OR14C36: variants seen among roughly 807,000 people sequenced by gnomAD.
The protein encoded by OR14C36 is olfactory receptor 14C36.
For synonymous variants in OR14C36, 142 were observed against 146.8 expected, an observed-to-expected ratio of 0.97 and a Z score of 0.24; for missense variants, 404 against 384.8, an observed-to-expected ratio of 1.05 and a Z score of -0.42.
chr1:248,349,088 T>C lies in OR14C36; in HGVS notation c.314T>C (p.Phe105Ser), dbSNP rs765760011. ...CVAQVFLVVF[F>S]VYVELLFLTI... ...GCTCAGGTCTTCCTCGTGGTTTTTTTTGTATATGTGGAGCTTCTGTTTCTC... is the reference window on the plus strand; with the variant it reads ...GCTCAGGTCTTCCTCGTGGTTTTTTCTGTATATGTGGAGCTTCTGTTTCTC... Residue 105 changes from phenylalanine (F) to serine (S), a missense_variant, in exon 1 of 1, where the codon TTT becomes TCT. Transcript: ENST00000317861. 1.1e-5 allele frequency: 18 copies of C among 1,613,784 alleles called. No individual in the cohort carries two copies. Among genetic ancestry groups the C allele is most frequent in the Non-Finnish European group, 1.3e-5 (15 of 1,179,988 alleles).
At position 248,348,818 on chromosome 1, in the gene OR14C36, T is replaced by C. The variant is rs1660458389; in HGVS notation, c.44T>C (p.Phe15Ser). Residue 15 changes from phenylalanine (F) to serine (S), a missense_variant, in exon 1 of 1, where the codon TTT becomes TCT. Phe to Ser is a radical substitution (Grantham distance 155, BLOSUM62 -2). Transcript: ENST00000317861. The stretch of plus-strand genomic sequence containing the variant: ...GTGATGGAATTTCTCCTCATGAGGT[T>C]TTCTGATGTGTGGACACTACAGATT... ...TTVMEFLLMR[F>S]SDVWTLQILH... 6.2e-7 allele frequency: 1 copy of C among 1,609,788 alleles called. No individual in the cohort carries two copies. The highest frequency in any genetic ancestry group is 1.7e-5 in the Admixed American group (1 of 59,552).
Position 248,349,294 on chromosome 1 carries a change from C to G in OR14C36, c.520C>G (p.Gln174Glu). 2 of 1,614,116 alleles carry G rather than the reference C, an allele frequency of 1.2e-6. No homozygotes were observed. The highest frequency in any genetic ancestry group is 1.7e-6 in the Non-Finnish European group (2 of 1,180,010). The change falls in exon 1 of 1, where the codon CAA becomes GAA. Residue 174 changes from glutamine (Q) to glutamate (E), a missense_variant. Gln to Glu is a conservative substitution (Grantham distance 29, BLOSUM62 2). Coordinates refer to ENST00000317861, the MANE Select transcript of OR14C36 (RefSeq NM_001001918.1). ...LPFCRSNVIH[Q>E]FFCDIPSLLK... ...CTTCTGTCGGTCCAACGTTATTCAT[C>G]AATTCTTCTGTGACATCCCCTCTCT...
rs1660462259 is a variant in OR14C36 at position 248,349,011 on chromosome 1, A to C, written c.237A>C (p.Ser79=). 1 of 1,613,324 alleles carries C rather than the reference A, an allele frequency of 6.2e-7. No individual in the cohort carries two copies. Among genetic ancestry groups the C allele is most frequent in the African/African-American group, 1.3e-5 (1 of 74,676 alleles). The change falls in exon 1 of 1, where the codon TCA becomes TCC. Residue 79 remains serine (S), a synonymous_variant. Transcript: ENST00000317861. ...ACATTTCTGTTACAGTCCCTACCTC[A>C]TGTGTCAATTCCCTACTGGACAGCA... ...ACYISVTVPT[S]CVNSLLDSTT...
In OR14C36 at chr1:248,349,516, G is replaced by C. The variant is rs765361900; in HGVS notation, c.742G>C (p.Val248Leu). 9.9e-6 allele frequency: 16 copies of C among 1,614,078 alleles called. 1 individual carries two copies. The Middle Eastern group carries it at 6.6e-4, about 67-fold the overall frequency. Residue 248 changes from valine to leucine, a missense_variant, in exon 1 of 1, where the codon GTC becomes CTC. Transcript: ENST00000317861. ...TCIPHILVVS[V>L]FLSSCSSVYL... is the part of the protein sequence containing the mutation. ...CATCCCTCACATCCTGGTGGTGTCA[G>C]TCTTCCTCAGTTCATGCTCTTCTGT...
At position 248,349,602 on chromosome 1, in the gene OR14C36, T is replaced by C; in HGVS notation, c.828T>C (p.Tyr276=). ...AGGATCTGATCCTTTCTGGTTTTTA[T>C]TCCATAATGCCTCCCCTCTTTAACC... The part of the protein sequence containing the change: ...ATQDLILSGF[Y]SIMPPLFNPI... The change falls in exon 1 of 1, where the codon TAT becomes TAC. Residue 276 remains tyrosine, a synonymous_variant. Coordinates refer to ENST00000317861, the MANE Select transcript of OR14C36 (RefSeq NM_001001918.1). 1 of 1,614,030 alleles carries C rather than the reference T, an allele frequency of 6.2e-7. No individual in the cohort carries two copies.
rs760870864 is a variant in OR14C36, at chr1:248,348,908, C to T, written c.134C>T (p.Thr45Ile). ...VTLMGNILIV[T>I]VTTCDSSLHM... The stretch of plus-strand genomic sequence containing the variant: ...CTAATGGGAAACATCCTCATTGTGA[C>T]CGTCACCACCTGTGACAGCAGCCTT... Residue 45 changes from threonine (T) to isoleucine (I), a missense_variant, in exon 1 of 1, where the codon ACC becomes ATC. By Grantham distance (89) the Thr-to-Ile change is moderately conservative. Coordinates refer to ENST00000317861, the MANE Select transcript of OR14C36 (RefSeq NM_001001918.1). 3 of 1,613,536 alleles carry T rather than the reference C, an allele frequency of 1.9e-6. No individual in the cohort carries two copies. Among genetic ancestry groups the T allele is most frequent in the Non-Finnish European group, 2.5e-6 (3 of 1,179,866 alleles).
rs895670394 is a variant in OR14C36, at chr1:248,349,416, G to A, written c.642G>A (p.Arg214=). 1 of 1,613,964 alleles carries A rather than the reference G, an allele frequency of 6.2e-7. No homozygotes were observed. Among genetic ancestry groups the A allele is most frequent in the Non-Finnish European group, 8.5e-7 (1 of 1,179,992 alleles). The change falls in exon 1 of 1, where the codon AGG becomes AGA. Residue 214 remains arginine (R), a synonymous_variant. Coordinates refer to ENST00000317861, the MANE Select transcript of OR14C36 (RefSeq NM_001001918.1). ...GCGGCTGTTTCATCTTTATCATCAG[G>A]TCTTACATTCACATCTTTTCGACCG... ...VGGGCFIFII[R]SYIHIFSTVL... is the part of the protein sequence containing the mutation.
At position 248,348,953 on chromosome 1, in the gene OR14C36, T is replaced by C. The variant is rs149258733; in HGVS notation, c.179T>C (p.Phe60Ser). The C allele has an allele frequency of 1.3e-4, 205 of 1,613,740 alleles. No homozygotes were observed. The highest frequency in any genetic ancestry group is 1.6e-4 in the Non-Finnish European group (193 of 1,179,952). Residue 60 changes from phenylalanine to serine, a missense_variant, in exon 1 of 1, where the codon TTC (phenylalanine) becomes TCC (serine). Transcript: ENST00000317861. ...AGCCTTCACATGCCCATGTACTTCT[T>C]CCTCAGGAATCTGTCTATCTTGGAT... ...DSSLHMPMYF[F>S]LRNLSILDAC... is the part of the protein sequence containing the mutation.
At position 248,349,623 on chromosome 1, in the gene OR14C36, T is replaced by G; in HGVS notation, c.849T>G (p.Phe283Leu). Reference sequence around the variant, plus strand: ...TTTATTCCATAATGCCTCCCCTCTTTAACCCTATTATTTACAGTCTTAGAA... The same window carrying G: ...TTTATTCCATAATGCCTCCCCTCTTGAACCCTATTATTTACAGTCTTAGAA... ...SGFYSIMPPL[F>L]NPIIYSLRNK... Residue 283 changes from phenylalanine (F) to leucine (L), a missense_variant, in exon 1 of 1, where the codon TTT (phenylalanine) becomes TTG (leucine). Phe to Leu is a conservative substitution (Grantham distance 22). Coordinates refer to ENST00000317861, the MANE Select transcript of OR14C36 (RefSeq NM_001001918.1). The G allele has an allele frequency of 1.2e-6, 2 of 1,613,752 alleles. No individual in the cohort carries two copies. Among genetic ancestry groups the G allele is most frequent in the Non-Finnish European group, 1.7e-6 (2 of 1,179,796 alleles).
At chr1:248,348,962 ATCTG>A in the OR14C36 span, 15 of 1,613,268 alleles carry the variant, frequency 9.3e-6, no homozygotes, top group East Asian at 4.5e-5. Context: ...TTCCTCAGGA[ATCTG>A]TCTATCTTGG....
In OR14C36 at chr1:248,349,204, C is replaced by T; in HGVS notation, c.430C>T (p.Leu144=). The T allele has an allele frequency of 6.2e-7, 1 of 1,613,990 alleles. No homozygotes were observed. The highest frequency in any genetic ancestry group is 1.1e-5 in the South Asian group (1 of 91,078). ...CTCTCGAATCTGCATCCAGATGACA[C>T]TGGCCTCCCTACTCAGTGGTCTTGT... ...VNSRICIQMT[L]ASLLSGLVYA... is the part of the protein sequence containing the mutation. Residue 144 remains leucine, a synonymous_variant, in exon 1 of 1, where the codon CTG becomes TTG. Coordinates refer to ENST00000317861, the MANE Select transcript of OR14C36 (RefSeq NM_001001918.1).
In OR14C36 at chr1:248,348,872, A is replaced by G. The variant is rs374342974; in HGVS notation, c.98A>G (p.Tyr33Cys). 5.5e-5 allele frequency: 89 copies of G among 1,613,534 alleles called. No individual in the cohort carries two copies. Among genetic ancestry groups the G allele is most frequent in the Non-Finnish European group, 6.6e-5 (78 of 1,179,834 alleles). ...CATTCTGCATCCTTCTTTATGTTGT[A>G]TTTGGTAACTCTAATGGGAAACATC... ...ILHSASFFML[Y>C]LVTLMGNILI... is the part of the protein sequence containing the mutation. Residue 33 changes from tyrosine (Y) to cysteine (C), a missense_variant, in exon 1 of 1, where the codon TAT (tyrosine) becomes TGT (cysteine). Coordinates refer to ENST00000317861, the MANE Select transcript of OR14C36 (RefSeq NM_001001918.1).
chr1:248,348,949 T>G lies in OR14C36; in HGVS notation c.175T>G (p.Phe59Val). 1 of 1,613,800 alleles carries G rather than the reference T, an allele frequency of 6.2e-7. No homozygotes were observed. Among genetic ancestry groups the G allele is most frequent in the Non-Finnish European group, 8.5e-7 (1 of 1,179,962 alleles). ...CAGCAGCCTTCACATGCCCATGTAC[T>G]TCTTCCTCAGGAATCTGTCTATCTT... ...CDSSLHMPMY[F>V]FLRNLSILDA... Residue 59 changes from phenylalanine (F) to valine (V), a missense_variant, in exon 1 of 1, where the codon TTC becomes GTC. Physicochemically the swap from Phe to Val is conservative, Grantham distance 50 (BLOSUM62 -1). Transcript: ENST00000317861.
In OR14C36 at chr1:248,349,036, A is replaced by G; in HGVS notation, c.262A>G (p.Thr88Ala). 1.9e-6 allele frequency: 3 copies of G among 1,613,512 alleles called. No homozygotes were observed. Among genetic ancestry groups the G allele is most frequent in the Non-Finnish European group, 2.5e-6 (3 of 1,179,914 alleles). ...ATGTGTCAATTCCCTACTGGACAGC[A>G]CCACCATTTCTAAGGCGGGATGTGT... Reference protein sequence around the residue: ...TSCVNSLLDSTTISKAGCVAQ... With the variant: ...TSCVNSLLDSATISKAGCVAQ... Residue 88 changes from threonine to alanine, a missense_variant, in exon 1 of 1, where the codon ACC becomes GCC. By Grantham distance (58) the Thr-to-Ala change is moderately conservative. Transcript: ENST00000317861.
At position 248,349,266 on chromosome 1, in the gene OR14C36, G is replaced by A; in HGVS notation, c.492G>A (p.Leu164=). 6.2e-7 allele frequency: 1 copy of A among 1,613,948 alleles called. No individual in the cohort carries two copies. ...TGCACACTGGCAGCACATTCCAGCT[G>A]CCCTTCTGTCGGTCCAACGTTATTC... ...AGMHTGSTFQ[L]PFCRSNVIHQ... The change falls in exon 1 of 1, where the codon CTG becomes CTA. Residue 164 remains leucine, a synonymous_variant. Coordinates refer to ENST00000317861, the MANE Select transcript of OR14C36 (RefSeq NM_001001918.1).
chr1:248,349,674 G>T lies in OR14C36; in HGVS notation c.900G>T (p.Lys300Asn). ...ATAAGCAAATAAAGGTGGCCATCAA[G>T]AAAATCATGAAGAGAATTTTTTATT... ...LRNKQIKVAI[K>N]KIMKRIFYSE... The change falls in exon 1 of 1, where the codon AAG becomes AAT. Residue 300 changes from lysine to asparagine, a missense_variant. Physicochemically the swap from Lys to Asn is moderately conservative, Grantham distance 94. Coordinates refer to ENST00000317861, the MANE Select transcript of OR14C36 (RefSeq NM_001001918.1). The T allele has an allele frequency of 6.2e-7, 1 of 1,607,548 alleles. No homozygotes were observed.
Position 248,349,664 on chromosome 1 carries a change from T to C in OR14C36, c.890T>C (p.Val297Ala). 6.2e-7 allele frequency: 1 copy of C among 1,608,272 alleles called. No individual in the cohort carries two copies. The highest frequency in any genetic ancestry group is 8.5e-7 in the Non-Finnish European group (1 of 1,178,522). The change falls in exon 1 of 1, where the codon GTG becomes GCG. Residue 297 changes from valine (V) to alanine (A), a missense_variant. Physicochemically the swap from Val to Ala is moderately conservative, Grantham distance 64 (BLOSUM62 0). Transcript: ENST00000317861. ...IYSLRNKQIK[V>A]AIKKIMKRIF... The stretch of plus-strand genomic sequence containing the variant: ...AGTCTTAGAAATAAGCAAATAAAGG[T>C]GGCCATCAAGAAAATCATGAAGAGA...
the OR14C36 span, chr1:248,349,207 GCCTC>G: frequency 6.2e-6 from 10 of 1,613,748 alleles, no homozygotes; most frequent in Admixed American, 1.2e-4. Flanking sequence ...GATGACACTG[GCCTC>G]CCTACTCAGT....
At chr1:248,349,654 C>CA in the OR14C36 span, 1 of 1,605,116 alleles carries the variant, frequency 6.2e-7, no homozygotes, top group Non-Finnish European at 8.5e-7. Flanking sequence ...TAGAAATAAG[C>CA]AAATAAAGGT....
Sources: allele counts gnomAD v4.1 joint callset, GRCh38; gene constraint gnomAD v4.1.1; transcripts MANE v1.5; gene names NCBI Gene and HGNC (gene_info 2026-07-23, HGNC 2026-07-21).